CCDC102B: variants seen among roughly 807,000 people sequenced by gnomAD.
The protein encoded by CCDC102B is coiled-coil domain-containing protein 102B.
CCDC102B carries 75 observed loss-of-function variants against 57.4 expected under a neutral mutation model. The ratio of observed to expected loss-of-function variants is 1.31; its 90% CI spans 1.08 to 1.58. The LOEUF is 1.58. CCDC102B is among the 40% of genes most tolerant of loss of function. CCDC102B has a pLI of 0.00. For synonymous variants in CCDC102B, 206 were observed against 201.9 expected, an observed-to-expected ratio of 1.02 and a Z score of -0.17; for missense variants, 636 against 582.6, an observed-to-expected ratio of 1.09 and a Z score of -0.94.
At chr18:68,758,764 T>A (rs1187527191) in intron 2 of CCDC102B, among the ~76,000 whole-genome samples, 2 of 151,852 alleles carry the variant, frequency 1.3e-5, no homozygotes, top group Non-Finnish European at 2.9e-5. Flanking sequence ...ATTAAATGCT[T>A]GTTTCATGCA....
chr18:68,980,516 G>T lies in CCDC102B; in HGVS notation c.1264-30418G>T, dbSNP rs564601670. ...ACCTAACTGTATACTCCCTAAGAAA[G>T]ATTAATTTTTTGTTTTATTTTGCAA... On this transcript the variant is annotated intron_variant, in intron 6 of 7. Transcript: ENST00000360242. Among the ~76,000 whole-genome samples the T allele has an allele frequency of 3.0e-4, 46 of 151,972 alleles. 2 individuals are homozygous for T. In the South Asian group the frequency reaches 8.5e-3, roughly 28 times the overall value.
chr18:68,832,735 C>A (rs2037199766), intron 1 of CCDC102B, among the ~76,000 whole-genome samples: 2 of 151,284 alleles, frequency 1.3e-5, no homozygotes, highest in Admixed American at 6.6e-5. Context: ...GAAAGTATAA[C>A]CTGCTACCTG....
At chr18:68,796,281 G>T (rs2035625774), upstream of CCDC102B, among the ~76,000 whole-genome samples, 1 of 152,138 alleles carries the variant, frequency 6.6e-6, no homozygotes, top group African/African-American at 2.4e-5. Context: ...ACTAGTGCTG[G>T]ATTTGATATA....
chr18:68,892,674 T>C (rs543447190), intron 5 of CCDC102B, among the ~76,000 whole-genome samples: 17 of 152,320 alleles, frequency 1.1e-4, no homozygotes, highest in African/African-American at 3.8e-4. Flanking sequence ...ATAGCCATAG[T>C]CATCTATTTT....
intron 2 of CCDC102B, 38 bp downstream of exon 2, chr18:68,837,407 G>A: frequency 6.4e-7 from 1 of 1,569,982 alleles, no homozygotes; most frequent in Non-Finnish European, 8.6e-7. Context: ...AATTTCTGAA[G>A]GTCATATATA....
intron 7 of CCDC102B, among the ~76,000 whole-genome samples, chr18:69,034,359 C>A (rs1392928104): frequency 6.6e-6 from 1 of 151,870 alleles, no homozygotes; most frequent in Non-Finnish European, 1.5e-5. Flanking sequence ...ACATTTGGGT[C>A]TATGATCTCT....
intron 6 of CCDC102B, among the ~76,000 whole-genome samples, chr18:68,992,520 C>A (rs1053358398): frequency 6.6e-6 from 1 of 152,170 alleles, no homozygotes; most frequent in Non-Finnish European, 1.5e-5. Flanking sequence ...TGTCACCTTC[C>A]ACACGAGTAG....
At chr18:68,908,984 A>T (rs1255238486) in intron 6 of CCDC102B, among the ~76,000 whole-genome samples, 1 of 152,102 alleles carries the variant, frequency 6.6e-6, no homozygotes, top group Non-Finnish European at 1.5e-5. Context: ...AACACAAGGT[A>T]ATGATTGGTA....
At chr18:68,854,855 CTAT>C (rs2038311413) in intron 4 of CCDC102B, among the ~76,000 whole-genome samples, 1 of 152,170 alleles carries the variant, frequency 6.6e-6, no homozygotes, top group African/African-American at 2.4e-5. Flanking sequence ...ATCCTATTCA[CTAT>C]TGCTCTCACT....
intron 1 of CCDC102B, among the ~76,000 whole-genome samples, chr18:68,806,361 T>G (rs1051982304): frequency 2.6e-5 from 4 of 152,170 alleles, no homozygotes; most frequent in Admixed American, 1.3e-4. Flanking sequence ...TCTTCTGTAT[T>G]ATGTGGCCAT....
intron 4 of CCDC102B, among the ~76,000 whole-genome samples, chr18:68,873,817 C>T (rs186808355): frequency 1.8e-5 from 2 of 109,864 alleles, no homozygotes; most frequent in Admixed American, 1.9e-4. Flanking sequence ...CATTTACCTA[C>T]ATAGCTTAAA....
At chr18:68,920,999 G>A (rs574590493) in intron 6 of CCDC102B, among the ~76,000 whole-genome samples, 1 of 152,224 alleles carries the variant, frequency 6.6e-6, no homozygotes, top group Non-Finnish European at 1.5e-5. Context: ...GCCAAAGGTG[G>A]CATAAGGGCT....
chr18:68,768,967 T>C (rs922586626), intron 2 of CCDC102B, among the ~76,000 whole-genome samples: 14 of 152,104 alleles, frequency 9.2e-5, no homozygotes, highest in African/African-American at 3.4e-4. Flanking sequence ...AAAGATGGAA[T>C]TGATGGCTGA....
At chr18:68,941,847 G>C (rs2049388586) in intron 6 of CCDC102B, among the ~76,000 whole-genome samples, 1 of 151,968 alleles carries the variant, frequency 6.6e-6, no homozygotes, top group Non-Finnish European at 1.5e-5. Flanking sequence ...ATTCATAGAA[G>C]GAAAATTTTC....
chr18:68,788,959 G>A (rs1322416216), intron 2 of CCDC102B, among the ~76,000 whole-genome samples: 5 of 152,082 alleles, frequency 3.3e-5, no homozygotes, highest in East Asian at 1.9e-4. Context: ...ATTTTGCAGC[G>A]GCTGGTACTG....
chr18:68,967,434 A>G (rs1449901294), intron 6 of CCDC102B, among the ~76,000 whole-genome samples: 4 of 148,858 alleles, frequency 2.7e-5, no homozygotes, highest in African/African-American at 2.5e-5. Flanking sequence ...CAAATTCACT[A>G]TAAGATTTAA....
At chr18:68,728,194 T>C (rs533908568) in intron 2 of CCDC102B, among the ~76,000 whole-genome samples, 9 of 152,158 alleles carry the variant, frequency 5.9e-5, no homozygotes, top group Non-Finnish European at 1.0e-4. Context: ...AAATTTCTTA[T>C]AAAAATAGAT....
intron 1 of CCDC102B, among the ~76,000 whole-genome samples, chr18:68,820,993 A>G (rs1041867135): frequency 2.0e-5 from 3 of 152,152 alleles, no homozygotes; most frequent in Non-Finnish European, 2.9e-5. Context: ...AGACTGCCTC[A>G]TTTCTTTTTT....
intron 6 of CCDC102B, among the ~76,000 whole-genome samples, chr18:68,993,572 T>G (rs1448912406): frequency 1.3e-5 from 2 of 152,352 alleles, no homozygotes; most frequent in East Asian, 1.9e-4. Context: ...TATGCAAAAT[T>G]TAAATGACCG....
Sources: gnomAD v4.1 joint callset for allele counts (sites outside exome capture counted in the v4.1 genomes callset) on GRCh38, gnomAD v4.1.1 for gene constraint, MANE v1.5 for transcripts, NCBI Gene and HGNC (gene_info 2026-07-23, HGNC 2026-07-21) for gene names.